The following WWOX variants were observed in gnomAD, a reference collection of about 807,000 sequenced individuals.
The protein encoded by WWOX is WW domain containing oxidoreductase.
Under a neutral mutation model 46.2 loss-of-function variants are expected in WWOX, and 69 were observed. The observed-to-expected ratio is 1.49, with a 90% CI of 1.23 to 1.82. The LOEUF (loss-of-function observed/expected upper bound fraction) is 1.82. WWOX is among the 40% of genes most tolerant of loss of function. WWOX has a pLI of 0.00. For synonymous variants in WWOX, 359 were observed against 202.6 expected (o/e 1.77, Z -6.56); for missense variants, 919 against 542.6 (o/e 1.69, Z -6.89).
At chr16:78,422,055 G>T (rs2082946748) in intron 6 of WWOX, among the ~76,000 whole-genome samples, 1 of 152,134 alleles carries the variant, frequency 6.6e-6, no homozygotes, top group African/African-American at 2.4e-5. Flanking sequence ...TACTAGTGTA[G>T]TTGGACGTGT....
intron 8 of WWOX, among the ~76,000 whole-genome samples, chr16:78,670,299 T>A (rs1468799694): frequency 6.6e-6 from 1 of 152,146 alleles, no homozygotes; most frequent in Non-Finnish European, 1.5e-5. Flanking sequence ...TGCATCTGTC[T>A]TTTCCGACCC....
At chr16:78,639,280 C>G (rs937370666) in intron 8 of WWOX, among the ~76,000 whole-genome samples, 2 of 152,170 alleles carry the variant, frequency 1.3e-5, no homozygotes, top group Admixed American at 1.3e-4. Context: ...CGATGACACA[C>G]GCAGGGAAGC....
intron 5 of WWOX, among the ~76,000 whole-genome samples, chr16:78,297,387 C>T (rs1232585507): frequency 6.6e-6 from 1 of 152,128 alleles, no homozygotes; most frequent in East Asian, 1.9e-4. Context: ...CTTCCAACAG[C>T]ATCCCCCACA....
intron 8 of WWOX, among the ~76,000 whole-genome samples, chr16:79,174,526 A>G (rs2050762862): frequency 1.3e-5 from 2 of 152,276 alleles, no homozygotes; most frequent in East Asian, 1.9e-4. Context: ...GCGCATGCCT[A>G]TAATCCCAGC....
intron 6 of WWOX, among the ~76,000 whole-genome samples, chr16:78,418,369 G>GA (rs60427100): frequency 0.01 from 1,323 of 127,512 alleles, 12 homozygotes; most frequent in African/African-American, 0.029. Context: ...CTCCATCTCA[G>GA]AAAAAAAAAA....
intron 8 of WWOX, among the ~76,000 whole-genome samples, chr16:78,528,300 C>T (rs1014016518): frequency 2.7e-5 from 4 of 150,782 alleles, no homozygotes; most frequent in Non-Finnish European, 2.9e-5. Context: ...AGACATGAGC[C>T]ACCACACCCG....
intron 5 of WWOX, among the ~76,000 whole-genome samples, chr16:78,278,905 G>A (rs1187108312): frequency 1.3e-5 from 2 of 152,100 alleles, no homozygotes; most frequent in Non-Finnish European, 2.9e-5. Flanking sequence ...GTGCGTGTAC[G>A]TGTATACATG....
intron 8 of WWOX, among the ~76,000 whole-genome samples, chr16:78,532,968 A>C (rs1043659322): frequency 5.3e-5 from 8 of 152,226 alleles, no homozygotes; most frequent in Non-Finnish European, 1.0e-4. Flanking sequence ...CAAGAGTAGG[A>C]GGGAACAGAT....
At chr16:78,589,173 A>G (rs1276637255) in intron 8 of WWOX, among the ~76,000 whole-genome samples, 1 of 152,158 alleles carries the variant, frequency 6.6e-6, no homozygotes, top group Non-Finnish European at 1.5e-5. Context: ...CGGGGAGCAT[A>G]TGGAGTGTTG....
At chr16:78,410,549 C>G (rs768540030) in intron 6 of WWOX, among the ~76,000 whole-genome samples, 3 of 152,008 alleles carry the variant, frequency 2.0e-5, no homozygotes, top group Non-Finnish European at 4.4e-5. Context: ...GTGGCTCACT[C>G]CTGTTATCAC....
chr16:78,841,896 G>T (rs1364375765), intron 8 of WWOX, among the ~76,000 whole-genome samples: 1 of 152,090 alleles, frequency 6.6e-6, no homozygotes, highest in Non-Finnish European at 1.5e-5. Flanking sequence ...TTGAAACGAG[G>T]GTCTCGATTA....
intron 8 of WWOX, among the ~76,000 whole-genome samples, chr16:78,792,701 T>C (rs1439719053): frequency 1.3e-5 from 2 of 152,010 alleles, no homozygotes; most frequent in African/African-American, 2.4e-5. Flanking sequence ...ACTATACAAG[T>C]CTATAGAGGC....
chr16:78,539,983 ATCTCTCTCTCTCTT>A (rs1286659628), intron 8 of WWOX, among the ~76,000 whole-genome samples: 1 of 143,918 alleles, frequency 6.9e-6, no homozygotes, highest in African/African-American at 2.6e-5. Context: ...TTTCCAATAC[ATCTCTCTCTCTCTT>A]TCTCTCTCTC....
intron 8 of WWOX, among the ~76,000 whole-genome samples, chr16:78,684,326 C>G (rs925433807): frequency 2.0e-5 from 3 of 152,126 alleles, no homozygotes; most frequent in African/African-American, 4.8e-5. Flanking sequence ...GCAGGTAATA[C>G]AAAACCCACC....
intron 8 of WWOX, among the ~76,000 whole-genome samples, chr16:79,099,924 A>C (rs1210306311): frequency 6.6e-6 from 1 of 152,226 alleles, no homozygotes; most frequent in African/African-American, 2.4e-5. Context: ...TCTGAAATCC[A>C]TACAGTGGGC....
intron 8 of WWOX, among the ~76,000 whole-genome samples, chr16:78,796,434 G>T (rs2050739741): frequency 6.6e-6 from 1 of 152,200 alleles, no homozygotes; most frequent in Non-Finnish European, 1.5e-5. Context: ...CTTCCCATTG[G>T]CCAGAATTCA....
At chr16:78,356,748 G>A (rs12598299) in intron 5 of WWOX, among the ~76,000 whole-genome samples, 16,036 of 152,186 alleles carry the variant, frequency 0.11, 1,254 homozygotes, top group East Asian at 0.3. Flanking sequence ...CGGGCATAGT[G>A]GCATGAGCCT....
intron 8 of WWOX, among the ~76,000 whole-genome samples, chr16:78,858,388 C>G (rs1366318378): frequency 6.6e-6 from 1 of 150,906 alleles, no homozygotes; most frequent in Non-Finnish European, 1.5e-5. Flanking sequence ...ATGTATGTAT[C>G]TGTATATGTA....
chr16:78,703,625 G>A (rs1223355206), intron 8 of WWOX, among the ~76,000 whole-genome samples: 5 of 150,086 alleles, frequency 3.3e-5, no homozygotes, highest in Non-Finnish European at 5.9e-5. Context: ...TTTTGTTTTT[G>A]TTTTTTTTTG....
Sources: gnomAD v4.1 joint callset for allele counts (sites outside exome capture counted in the v4.1 genomes callset) on GRCh38, gnomAD v4.1.1 for gene constraint, MANE v1.5 for transcripts, NCBI Gene and HGNC (gene_info 2026-07-23, HGNC 2026-07-21) for gene names.